PRKG1: variants seen among roughly 807,000 people sequenced by gnomAD.
The protein encoded by PRKG1 is protein kinase cGMP-dependent 1, also known as cGMP-dependent protein kinase 1.
Under a neutral mutation model 88.1 loss-of-function variants are expected in PRKG1, and 35 were observed. The ratio of observed to expected loss-of-function variants is 0.40; its 90% CI spans 0.30 to 0.53. PRKG1 has a LOEUF of 0.53. Ranked by LOEUF, PRKG1 falls within the 20% of genes least tolerant of loss-of-function variation. PRKG1 has a pLI of 0.59. For missense variants in PRKG1, 540 were observed against 839.8 expected (o/e 0.64, Z 4.41); for synonymous variants, 303 against 292.5 (o/e 1.04, Z -0.37).
intron 3 of PRKG1, among the ~76,000 whole-genome samples, chr10:51,539,299 G>T (rs1275954338): frequency 3.3e-5 from 5 of 152,078 alleles, no homozygotes; most frequent in Non-Finnish European, 7.4e-5. Flanking sequence ...AATGTAACTG[G>T]ATCCATACAT....
intron 4 of PRKG1, among the ~76,000 whole-genome samples, chr10:51,842,831 A>G (rs1453938626): frequency 6.6e-6 from 1 of 152,058 alleles, no homozygotes; most frequent in Non-Finnish European, 1.5e-5. Flanking sequence ...TGTCAATTAT[A>G]AGAAATTATA....
rs1036082564 is a variant in PRKG1, at chr10:51,324,707, C to T, written c.479-143016C>T. On this transcript the variant is annotated intron_variant, in intron 2 of 17. Coordinates refer to ENST00000373980, the MANE Select transcript of PRKG1 (RefSeq NM_006258.4). ...AGTGAGCCGAGATCGCGCCACTGCA[C>T]TCCAGCCTGGGCGACTGAGCGAGAC... is the stretch of plus-strand genomic sequence containing the variant. 2.0e-5 allele frequency among the ~76,000 whole-genome samples: 3 copies of T among 152,152 alleles called. No individual in the cohort carries two copies. In the South Asian group the frequency reaches 6.2e-4, roughly 32 times the overall value.
At chr10:51,123,552 G>A (rs541342656) in intron 1 of PRKG1, among the ~76,000 whole-genome samples, 1 of 152,028 alleles carries the variant, frequency 6.6e-6, no homozygotes, top group Non-Finnish European at 1.5e-5. Context: ...CAGGCGTGAT[G>A]GTGGGTTCCT....
At chr10:51,934,501 C>G (rs1842763289) in intron 5 of PRKG1, among the ~76,000 whole-genome samples, 1 of 152,142 alleles carries the variant, frequency 6.6e-6, no homozygotes, top group African/African-American at 2.4e-5. Context: ...CAACGATCCC[C>G]AAATAACAGC....
chr10:51,754,237 G>C (rs937577464), intron 3 of PRKG1, among the ~76,000 whole-genome samples: 1 of 152,016 alleles, frequency 6.6e-6, no homozygotes, highest in Non-Finnish European at 1.5e-5. Flanking sequence ...TATTGATTTG[G>C]ATCTAGTCCT....
In PRKG1 at chr10:52,105,196, T is replaced by C. The variant is rs1353562667; in HGVS notation, c.936-28644T>C. Among the ~76,000 whole-genome samples the C allele has an allele frequency of 6.6e-5, 10 of 152,358 alleles. No homozygotes were observed. In the East Asian group the frequency reaches 1.5e-3, roughly 24 times the overall value. On this transcript the variant is annotated intron_variant, in intron 7 of 17. Transcript: ENST00000373980. The stretch of plus-strand genomic sequence containing the variant: ...GTGAAATTAAGAGACAACTGTTTTT[T>C]TTTTTATTACCAATTGGAAGAAACA...
At chr10:51,526,804 C>A (rs1443286620) in intron 3 of PRKG1, among the ~76,000 whole-genome samples, 1 of 152,144 alleles carries the variant, frequency 6.6e-6, no homozygotes, top group Non-Finnish European at 1.5e-5. Context: ...ATTCTTTTAT[C>A]CAGCATTTTC....
intron 2 of PRKG1, among the ~76,000 whole-genome samples, chr10:51,246,736 C>G (rs12267961): frequency 0.022 from 3,406 of 152,068 alleles, 120 homozygotes; most frequent in African/African-American, 0.077. Flanking sequence ...TAAATGTCAA[C>G]TGGCAGAACC....
intron 1 of PRKG1, among the ~76,000 whole-genome samples, chr10:51,011,444 C>T (rs1842993011): frequency 2.0e-5 from 3 of 152,018 alleles, no homozygotes; most frequent in African/African-American, 4.8e-5. Flanking sequence ...AAATGTTTAA[C>T]GAAGAATTAA....
intron 3 of PRKG1, among the ~76,000 whole-genome samples, chr10:51,764,847 T>C (rs1838116425): frequency 6.6e-6 from 1 of 152,176 alleles, no homozygotes; most frequent in Admixed American, 6.5e-5. Flanking sequence ...CCTTCAAGAA[T>C]GGGATTAGTG....
chr10:51,434,359 A>G (rs1467019134), intron 2 of PRKG1, among the ~76,000 whole-genome samples: 1 of 152,128 alleles, frequency 6.6e-6, no homozygotes, highest in Non-Finnish European at 1.5e-5. Flanking sequence ...GGCAAACTGC[A>G]CCTTAAGAAA....
At chr10:52,251,461 G>T in intron 9 of PRKG1, 109 bp from the exon 10 acceptor site, 1 of 807,078 alleles carries the variant, frequency 1.2e-6, no homozygotes. Flanking sequence ...AAGATGGAAT[G>T]TAAGCAGGTA....
intron 1 of PRKG1, among the ~76,000 whole-genome samples, chr10:51,001,014 G>A (rs1030393259): frequency 6.6e-6 from 1 of 152,184 alleles, no homozygotes. Flanking sequence ...GATGGAGATG[G>A]TGGTTTTCAT....
chr10:52,013,193 A>C (rs11000455), intron 5 of PRKG1, among the ~76,000 whole-genome samples: 37,122 of 151,924 alleles, frequency 0.24, 4,727 homozygotes, highest in East Asian at 0.32. Context: ...CCAAGGCAGG[A>C]AGATCACGAG....
intron 2 of PRKG1, among the ~76,000 whole-genome samples, chr10:51,442,307 AT>A (rs1188930984): frequency 2.6e-5 from 4 of 151,892 alleles, no homozygotes; most frequent in African/African-American, 9.7e-5. Flanking sequence ...TTTGGTTTTA[AT>A]TTTTTTAAAG....
chr10:51,744,722 A>G (rs868340004), intron 3 of PRKG1, among the ~76,000 whole-genome samples: 4 of 152,206 alleles, frequency 2.6e-5, no homozygotes, highest in African/African-American at 4.8e-5. Flanking sequence ...TGCATTAACC[A>G]TTATTGATGT....
chr10:52,007,132 A>G (rs928514735), intron 5 of PRKG1, among the ~76,000 whole-genome samples: 3 of 152,230 alleles, frequency 2.0e-5, no homozygotes, highest in South Asian at 4.1e-4. Context: ...AGGAAGCTCT[A>G]TGGAAAGGAA....
At chr10:51,487,352 C>T (rs1445273856) in intron 3 of PRKG1, among the ~76,000 whole-genome samples, 1 of 152,002 alleles carries the variant, frequency 6.6e-6, no homozygotes, top group Non-Finnish European at 1.5e-5. Context: ...TGAGTGGGTA[C>T]TCTTGGTATT....
intron 2 of PRKG1, among the ~76,000 whole-genome samples, chr10:51,180,910 A>G (rs1837324072): frequency 6.6e-6 from 1 of 152,194 alleles, no homozygotes; most frequent in Non-Finnish European, 1.5e-5. Flanking sequence ...TAAGTACTCA[A>G]AAAGTGGTGA....
Sources: gnomAD v4.1 joint callset for allele counts (sites outside exome capture counted in the v4.1 genomes callset) on GRCh38, gnomAD v4.1.1 for gene constraint, MANE v1.5 for transcripts, NCBI Gene and HGNC (gene_info 2026-07-23, HGNC 2026-07-21) for gene names.